Variants in SBNO2 observed in about 807,000 individuals in gnomAD.
SBNO2 encodes protein strawberry notch homolog 2.
In SBNO2, 89 loss-of-function variants were observed where a neutral mutation model predicts 146.3. The observed-to-expected ratio is 0.61, with a 90% CI of 0.51 to 0.73. The LOEUF (loss-of-function observed/expected upper bound fraction) is 0.73. Among genes scored for constraint, SBNO2 ranks in the 30% least tolerant of loss-of-function variants. The pLI, the probability that SBNO2 is intolerant of heterozygous loss-of-function variation, is 0.00. For missense variants in SBNO2, 2,092 were observed against 2,003.7 expected (o/e 1.04, Z -0.84); for synonymous variants, 1,147 against 892.6 (o/e 1.29, Z -5.08).
intron 19 of SBNO2, among the ~76,000 whole-genome samples, 190 bp downstream of exon 19, chr19:1,113,345 G>T (rs945436504): frequency 2.6e-5 from 4 of 152,184 alleles, no homozygotes; most frequent in African/African-American, 9.6e-5. Flanking sequence ...GTCCACAGGA[G>T]GTCGTGGCCT....
chr19:1,121,643 C>T (rs2145222088), intron 11 of SBNO2, among the ~76,000 whole-genome samples: 1 of 152,314 alleles, frequency 6.6e-6, no homozygotes, highest in East Asian at 1.9e-4. Flanking sequence ...CCCCTCCGAA[C>T]CGCAGCCTGC....
chr19:1,169,592 G>A (rs981182493), intron 1 of SBNO2, among the ~76,000 whole-genome samples: 3 of 152,214 alleles, frequency 2.0e-5, no homozygotes, highest in African/African-American at 7.2e-5. Flanking sequence ...GCCCCCGGGG[G>A]GTGGGGTGAT....
chr19:1,111,331 C>T (rs2079756753), intron 24 of SBNO2, among the ~76,000 whole-genome samples, 175 bp downstream of exon 24: 1 of 152,192 alleles, frequency 6.6e-6, no homozygotes, highest in South Asian at 2.1e-4. Context: ...ACCCACCCGG[C>T]AGCTGCTGGG....
intron 4 of SBNO2, among the ~76,000 whole-genome samples, chr19:1,134,804 T>C (rs1314916105): frequency 6.6e-6 from 1 of 151,994 alleles, no homozygotes. Context: ...TCCCAGCACT[T>C]TGGGAGGCCG....
chr19:1,162,965 G>C (rs897718373), intron 1 of SBNO2, among the ~76,000 whole-genome samples: 11 of 152,262 alleles, frequency 7.2e-5, no homozygotes, highest in Non-Finnish European at 1.5e-4. Flanking sequence ...GGGACAGCCT[G>C]TGCTGGGGAC....
chr19:1,116,981 G>A, intron 15 of SBNO2, 55 bp from the exon 16 acceptor site: 10 of 1,474,896 alleles, frequency 6.8e-6, no homozygotes, highest in Non-Finnish European at 8.2e-6. Flanking sequence ...GCCTCTGTGG[G>A]GCCAGAACCT....
At chr19:1,141,677 C>T (rs2080138600) in intron 4 of SBNO2, among the ~76,000 whole-genome samples, 1 of 152,126 alleles carries the variant, frequency 6.6e-6, no homozygotes, top group Admixed American at 6.5e-5. Flanking sequence ...CACGGACAAA[C>T]ACAATGGGCC....
At chr19:1,148,124 A>C (rs2080211564) in intron 3 of SBNO2, among the ~76,000 whole-genome samples, 1 of 151,858 alleles carries the variant, frequency 6.6e-6, no homozygotes. Flanking sequence ...CTCCCTCCAG[A>C]AGCTTCTCTC....
chr19:1,147,801 AC>A (rs2080207951), intron 3 of SBNO2, among the ~76,000 whole-genome samples: 1 of 151,768 alleles, frequency 6.6e-6, no homozygotes, highest in African/African-American at 2.4e-5. Context: ...CCCTTGACCC[AC>A]ACCTCACTCC....
chr19:1,172,503 G>A (rs1192703591), intron 1 of SBNO2, among the ~76,000 whole-genome samples: 1 of 152,154 alleles, frequency 6.6e-6, no homozygotes, highest in African/African-American at 2.4e-5. Flanking sequence ...CAAACTCTCT[G>A]GGTCCCATGT....
chr19:1,159,039 G>T (rs2080318866), intron 1 of SBNO2, among the ~76,000 whole-genome samples: 3 of 145,910 alleles, frequency 2.1e-5, no homozygotes, highest in Admixed American at 1.3e-4. Flanking sequence ...GACCCCACCT[G>T]CAGCCATGAC....
intron 2 of SBNO2, 50 bp from the exon 3 acceptor site, chr19:1,149,492 G>A (rs971451085): frequency 6.6e-7 from 1 of 1,511,344 alleles, no homozygotes; most frequent in Non-Finnish European, 9.0e-7. Context: ...GACCTGCGGT[G>A]CAGCCCGGCT....
chr19:1,121,110 C>T (rs1175602120), intron 11 of SBNO2, among the ~76,000 whole-genome samples: 7 of 151,904 alleles, frequency 4.6e-5, no homozygotes, highest in African/African-American at 1.2e-4. Flanking sequence ...CAGGTGGTCT[C>T]GAACTCCTGA....
At position 1,113,608 on chromosome 19, in the gene SBNO2, A is replaced by G; in HGVS notation, c.2174T>C (p.Leu725Pro). The G allele has an allele frequency of 6.3e-7, 1 of 1,597,350 alleles. No homozygotes were observed. The highest frequency in any genetic ancestry group is 8.5e-7 in the Non-Finnish European group (1 of 1,174,130). ...KQDLLDKVRR[L>P]GRELPVNTLD... Reference sequence around the variant, plus strand: ...GGTGTTGACTGGCAGTTCCCGGCCCAGCCGCCGCACTTTGTCCAGCAGATC... The same window carrying G: ...GGTGTTGACTGGCAGTTCCCGGCCCGGCCGCCGCACTTTGTCCAGCAGATC... Residue 725 changes from leucine to proline, a missense_variant, in exon 19 of 32, where the codon CTG (leucine) becomes CCG (proline). Leu to Pro is a moderately conservative substitution (Grantham distance 98). Transcript: ENST00000361757.
chr19:1,128,153 T>C (rs899407406), intron 4 of SBNO2: 10 of 472,578 alleles, frequency 2.1e-5, no homozygotes, highest in Non-Finnish European at 4.2e-5. Flanking sequence ...AAGAAAAAAA[T>C]AAACAAGCAA....
chr19:1,141,906 A>G (rs1005070567), intron 4 of SBNO2, among the ~76,000 whole-genome samples: 1 of 152,066 alleles, frequency 6.6e-6, no homozygotes, highest in Non-Finnish European at 1.5e-5. Flanking sequence ...CACAGGCGTG[A>G]GCCACCGTGC....
Position 1,112,582 on chromosome 19 carries a change from C to T in SBNO2, c.2380-45G>A. ...CGGGACACGGTTGGTGCAAGGCCCG[C>T]CCCAGCGTTGCCGCCACCTCCTCAC... is the stretch of plus-strand genomic sequence containing the variant. On this transcript the variant is annotated intron_variant, in intron 20 of 31. Coordinates refer to ENST00000361757, the MANE Select transcript of SBNO2 (RefSeq NM_014963.3). The surrounding 1 kb of genome is among the most constrained non-coding windows in gnomAD (Gnocchi z 5.9). 1.3e-6 allele frequency: 2 copies of T among 1,536,230 alleles called. No homozygotes were observed. Among genetic ancestry groups the T allele is most frequent in the East Asian group, 2.4e-5 (1 of 42,454 alleles).
At chr19:1,168,870 C>G (rs2080450866) in intron 1 of SBNO2, 1 of 152,208 alleles carries the variant, frequency 6.6e-6, no homozygotes, top group Non-Finnish European at 1.5e-5. Flanking sequence ...ACCGGCTCCC[C>G]CTCCCCACGC....
At chr19:1,121,496 C>T (rs1161796309) in intron 11 of SBNO2, among the ~76,000 whole-genome samples, 13 of 152,226 alleles carry the variant, frequency 8.5e-5, no homozygotes, top group African/African-American at 3.1e-4. Context: ...CAACGTCCCT[C>T]CCTTATCTGA....
Sources: gnomAD v4.1 joint callset for allele counts (sites outside exome capture counted in the v4.1 genomes callset) on GRCh38, gnomAD v4.1.1 for gene constraint, Gnocchi (gnomAD v3.1) non-coding constraint, MANE v1.5 for transcripts, NCBI Gene and HGNC (gene_info 2026-07-23, HGNC 2026-07-21) for gene names.